Variants in SLC39A12 observed in about 807,000 individuals in gnomAD.
SLC39A12 encodes the protein zinc transporter ZIP12.
SLC39A12 carries 63 observed loss-of-function variants against 71.1 expected under a neutral mutation model. The observed-to-expected ratio is 0.89, with a 90% CI of 0.72 to 1.09. The LOEUF is 1.09. SLC39A12 is among the 50% of genes least tolerant of loss of function. SLC39A12 has a pLI of 0.00. For synonymous variants in SLC39A12, 351 were observed against 301.3 expected (o/e 1.16, Z -1.71); for missense variants, 892 against 812.6 (o/e 1.10, Z -1.19).
chr10:17,992,500 C>T (rs145529316), intron 8 of SLC39A12, among the ~76,000 whole-genome samples: 3 of 152,124 alleles, frequency 2.0e-5, no homozygotes, highest in African/African-American at 7.2e-5. Flanking sequence ...CAGTACTTAC[C>T]CTAAAAGTTT....
At chr10:17,994,564 C>A (rs1024071585) in intron 9 of SLC39A12, among the ~76,000 whole-genome samples, 2 of 152,116 alleles carry the variant, frequency 1.3e-5, no homozygotes, top group African/African-American at 4.8e-5. Flanking sequence ...TGTATTTTCA[C>A]AGAACTATAA....
At chr10:18,025,193 T>G (rs1836641895) in intron 12 of SLC39A12, among the ~76,000 whole-genome samples, 1 of 151,998 alleles carries the variant, frequency 6.6e-6, no homozygotes, top group African/African-American at 2.4e-5. Context: ...TTTTGGTTTC[T>G]AATGAAGCAT....
chr10:17,993,419 T>A, intron 9 of SLC39A12, 128 bp downstream of exon 9: 1 of 686,722 alleles, frequency 1.5e-6, no homozygotes, highest in Non-Finnish European at 2.4e-6. Flanking sequence ...TTCTTAACTG[T>A]GATAAATACT....
chr10:17,955,948 G>A (rs1834535300), intron 2 of SLC39A12, among the ~76,000 whole-genome samples: 1 of 152,130 alleles, frequency 6.6e-6, no homozygotes, highest in Admixed American at 6.5e-5. Flanking sequence ...ACATGTTTCT[G>A]AAAGGAAAAG....
intron 12 of SLC39A12, among the ~76,000 whole-genome samples, chr10:18,032,708 G>C (rs1331815897): frequency 1.3e-5 from 2 of 151,968 alleles, no homozygotes; most frequent in Admixed American, 1.3e-4. Context: ...TGGTGAGGGA[G>C]GGCATCCCTG....
intron 12 of SLC39A12, among the ~76,000 whole-genome samples, chr10:18,029,687 G>A (rs375266355): frequency 9.9e-5 from 15 of 152,074 alleles, no homozygotes; most frequent in African/African-American, 2.2e-4. Context: ...ATCAAGATCC[G>A]TAAAATTGCT....
At chr10:17,975,889 T>C (rs888154423) in intron 4 of SLC39A12, among the ~76,000 whole-genome samples, 2 of 152,166 alleles carry the variant, frequency 1.3e-5, no homozygotes, top group African/African-American at 4.8e-5. Flanking sequence ...CTGGTTTAAA[T>C]GCTTCCTCCA....
chr10:17,992,074 G>C (rs895335366), intron 8 of SLC39A12, among the ~76,000 whole-genome samples: 7 of 120,892 alleles, frequency 5.8e-5, no homozygotes, highest in Non-Finnish European at 1.1e-4. Flanking sequence ...GGGTGACAGA[G>C]CGAGACTCCA....
chr10:18,019,609 TA>T (rs1836474282), intron 12 of SLC39A12, among the ~76,000 whole-genome samples: 1 of 152,082 alleles, frequency 6.6e-6, no homozygotes, highest in South Asian at 2.1e-4. Flanking sequence ...ATTTTATTTT[TA>T]TTTTCATTCA....
intron 12 of SLC39A12, among the ~76,000 whole-genome samples, chr10:18,030,420 T>C (rs1564663066): frequency 6.6e-6 from 1 of 151,770 alleles, no homozygotes; most frequent in African/African-American, 2.4e-5. Context: ...TGTATTTTTT[T>C]AGTAGAGACG....
At chr10:17,998,345 A>G (rs1298795154) in intron 10 of SLC39A12, among the ~76,000 whole-genome samples, 3 of 152,258 alleles carry the variant, frequency 2.0e-5, no homozygotes, top group African/African-American at 7.2e-5. Flanking sequence ...TGCTATTAAT[A>G]TCAAGGCTAC....
chr10:17,976,517 A>G (rs1835113348), intron 4 of SLC39A12, among the ~76,000 whole-genome samples: 1 of 152,150 alleles, frequency 6.6e-6, no homozygotes, highest in Non-Finnish European at 1.5e-5. Flanking sequence ...CTCTGGATTC[A>G]AGCGATTCTC....
intron 2 of SLC39A12, among the ~76,000 whole-genome samples, chr10:17,959,251 A>C (rs1834626716): frequency 6.6e-6 from 1 of 152,090 alleles, no homozygotes; most frequent in South Asian, 2.1e-4. Flanking sequence ...TAGGAAACAG[A>C]AAAGGGATGC....
At chr10:17,978,829 C>T (rs565296099) in intron 5 of SLC39A12, among the ~76,000 whole-genome samples, 30 of 152,192 alleles carry the variant, frequency 2.0e-4, no homozygotes, top group Non-Finnish European at 4.4e-4. Context: ...TTTGAGGACT[C>T]TGCCTATATT....
chr10:18,040,483 A>G (rs1837191933), intron 12 of SLC39A12, among the ~76,000 whole-genome samples: 1 of 152,090 alleles, frequency 6.6e-6, no homozygotes, highest in Non-Finnish European at 1.5e-5. Context: ...AAAATGTGTC[A>G]ACCTGGCCAG....
chr10:18,020,811 G>C (rs1284548314), intron 12 of SLC39A12, among the ~76,000 whole-genome samples: 2 of 151,910 alleles, frequency 1.3e-5, no homozygotes, highest in African/African-American at 4.8e-5. Context: ...ATTTTTTAAT[G>C]GGGCCATTTG....
At chr10:17,967,865 C>A (rs570021053) in intron 4 of SLC39A12, among the ~76,000 whole-genome samples, 1 of 142,864 alleles carries the variant, frequency 7.0e-6, no homozygotes, top group Non-Finnish European at 1.5e-5. Flanking sequence ...CCAGCCTGGG[C>A]GACAGAGCGA....
intron 10 of SLC39A12, among the ~76,000 whole-genome samples, chr10:17,998,601 C>T (rs1341534699): frequency 6.6e-6 from 1 of 151,940 alleles, no homozygotes; most frequent in African/African-American, 2.4e-5. Flanking sequence ...GAAATCTTTC[C>T]CTTTTTAGCA....
At chr10:17,998,253 G>A (rs1467029250) in intron 10 of SLC39A12, among the ~76,000 whole-genome samples, 1 of 152,070 alleles carries the variant, frequency 6.6e-6, no homozygotes, top group Non-Finnish European at 1.5e-5. Context: ...CATGATCAGA[G>A]ATAACAAAAT....
Sources: gnomAD v4.1 joint callset for allele counts (sites outside exome capture counted in the v4.1 genomes callset) on GRCh38, gnomAD v4.1.1 for gene constraint, MANE v1.5 for transcripts, NCBI Gene and HGNC (gene_info 2026-07-23, HGNC 2026-07-21) for gene names.